Variants in CCNB3 observed in about 807,000 individuals in gnomAD.
CCNB3 encodes cyclin B3.
In CCNB3, 12 loss-of-function variants were observed where a neutral mutation model predicts 68.0. The ratio of observed to expected loss-of-function variants is 0.18; its 90% CI spans 0.11 to 0.29. CCNB3 has a LOEUF of 0.29. Ranked by LOEUF, CCNB3 falls within the 10% of genes least tolerant of loss-of-function variation. The pLI is 1.00. For missense variants in CCNB3, 904 were observed against 993.1 expected, an observed-to-expected ratio of 0.91 and a Z score of 1.21; for synonymous variants, 354 against 388.9, an observed-to-expected ratio of 0.91 and a Z score of 1.06.
intron 1 of CCNB3, among the ~76,000 whole-genome samples, chrX:50,227,634 CATAT>C (rs1450412518): frequency 2.2e-4 from 2 of 9,120 alleles, no homozygotes; most frequent in African/African-American, 7.7e-4. Flanking sequence ...AGAGAGAATA[CATAT>C]ATATAGAGAG....
In CCNB3 at chrX:50,227,289, T is replaced by C. The variant is rs1470207257; in HGVS notation, c.-113+22339T>C. Among the ~76,000 whole-genome samples, 139 of 84,119 alleles carry C rather than the reference T, an allele frequency of 1.7e-3. 1 individual carries two copies. The highest frequency in any genetic ancestry group is 2.4e-3 in the Non-Finnish European group (110 of 46,118). The allele number at this position is 84,119 out of a possible 115,157, so 73.0% of individuals were successfully genotyped here. The stretch of plus-strand genomic sequence containing the variant: ...TATATACAGAATATATATAAATACA[T>C]GTACAGAATATATATAAATATACAT... On this transcript the variant is annotated intron_variant, in intron 1 of 12. Coordinates refer to ENST00000376042, the MANE Select transcript of CCNB3 (RefSeq NM_033031.3).
chrX:50,351,352 T>C lies in CCNB3; in HGVS notation c.4072T>C (p.Tyr1358His). Residue 1358 changes from tyrosine to histidine, a missense_variant, in exon 12 of 13, where the codon TAT (tyrosine) becomes CAT (histidine). By Grantham distance (83) the Tyr-to-His change is moderately conservative. Coordinates refer to ENST00000376042, the MANE Select transcript of CCNB3 (RefSeq NM_033031.3). ...TTCTTACGATAGTCTCAAGGCTGTG[T>C]ATTACAAGTATTCTCACCCGTAAGT... ...FSSYDSLKAV[Y>H]YKYSHPVFFE... 1 of 1,211,187 alleles carries C rather than the reference T, an allele frequency of 8.3e-7. No homozygotes were observed. The highest frequency in any genetic ancestry group is 1.8e-5 in the South Asian group (1 of 56,932).
intron 5 of CCNB3, among the ~76,000 whole-genome samples, chrX:50,303,575 T>A (rs983991215): frequency 2.8e-4 from 31 of 111,220 alleles, no homozygotes; most frequent in Non-Finnish European, 5.5e-4. Context: ...GGCTATTTGG[T>A]ACTTCTTTGG....
intron 8 of CCNB3, among the ~76,000 whole-genome samples, chrX:50,335,431 G>A (rs1296816315): frequency 1.1e-4 from 12 of 112,062 alleles, no homozygotes; most frequent in African/African-American, 3.9e-4. Context: ...GTCCTGTACT[G>A]GCTGGTAGTC....
At chrX:50,281,581 T>G (rs1389396898) in intron 1 of CCNB3, among the ~76,000 whole-genome samples, 1 of 110,869 alleles carries the variant, frequency 9.0e-6, no homozygotes, top group Non-Finnish European at 1.9e-5. Context: ...CTTTTCAATC[T>G]CCTGTCGATC....
chrX:50,224,227 C>A (rs975925579), intron 1 of CCNB3, among the ~76,000 whole-genome samples: 1 of 110,711 alleles, frequency 9.0e-6, no homozygotes, highest in South Asian at 3.9e-4. Context: ...ATTTTAAATT[C>A]AAATCTTGGA....
At chrX:50,281,397 G>C (rs1936133956) in intron 1 of CCNB3, among the ~76,000 whole-genome samples, 1 of 110,135 alleles carries the variant, frequency 9.1e-6, no homozygotes, top group Non-Finnish European at 1.9e-5. Flanking sequence ...CTGGTCTAGG[G>C]GTGCGTCGAT....
chrX:50,228,571 A>G (rs957862097), intron 1 of CCNB3, among the ~76,000 whole-genome samples: 287 of 84,692 alleles, frequency 3.4e-3, no homozygotes, highest in African/African-American at 0.013. Context: ...TACAGATAAT[A>G]TATAGAATAT....
chrX:50,320,669 C>T (rs1469847755), intron 8 of CCNB3, among the ~76,000 whole-genome samples: 1 of 109,537 alleles, frequency 9.1e-6, no homozygotes, highest in Non-Finnish European at 1.9e-5. Context: ...GGTTTAATTT[C>T]TTTATTATCC....
At chrX:50,228,156 T>A (rs1365319711) in intron 1 of CCNB3, among the ~76,000 whole-genome samples, 1 of 91,757 alleles carries the variant, frequency 1.1e-5, no homozygotes, top group East Asian at 3.1e-4. Flanking sequence ...TATAAATATC[T>A]ACATAGAATG....
At chrX:50,340,431 C>T (rs1257035100) in intron 8 of CCNB3, among the ~76,000 whole-genome samples, 1 of 112,403 alleles carries the variant, frequency 8.9e-6, no homozygotes, top group Admixed American at 9.4e-5. Context: ...ATTTTATTCT[C>T]GAATCCTAAG....
intron 10 of CCNB3, among the ~76,000 whole-genome samples, chrX:50,347,258 G>A (rs2147105204): frequency 9.1e-6 from 1 of 110,478 alleles, no homozygotes; most frequent in East Asian, 2.8e-4. Context: ...TAAGAAAAGG[G>A]AAAAGGTTGT....
chrX:50,228,460 A>C (rs897602578), intron 1 of CCNB3, among the ~76,000 whole-genome samples: 1 of 92,284 alleles, frequency 1.1e-5, no homozygotes, highest in Non-Finnish European at 2.1e-5. Context: ...GAATATATAT[A>C]GAGGATATAT....
chrX:50,215,333 T>C (rs1935555675), intron 1 of CCNB3, among the ~76,000 whole-genome samples: 1 of 111,567 alleles, frequency 9.0e-6, no homozygotes, highest in South Asian at 3.8e-4. Flanking sequence ...TTTGATCCCA[T>C]TGTGGTCAGA....
chrX:50,293,421 T>C (rs1417595572), intron 4 of CCNB3, among the ~76,000 whole-genome samples: 1 of 111,264 alleles, frequency 9.0e-6, no homozygotes, highest in Non-Finnish European at 1.9e-5. Flanking sequence ...TGGGGTTTGT[T>C]TGCTCTTGGT....
intron 9 of CCNB3, among the ~76,000 whole-genome samples, chrX:50,345,309 T>A (rs1254546707): frequency 2.8e-5 from 3 of 108,557 alleles, no homozygotes; most frequent in Non-Finnish European, 5.7e-5. Flanking sequence ...CCTCTCTCCC[T>A]CCCTCACCTG....
chrX:50,228,261 T>C (rs1360645401), intron 1 of CCNB3, among the ~76,000 whole-genome samples: 7 of 90,056 alleles, frequency 7.8e-5, no homozygotes, highest in African/African-American at 2.1e-4. Context: ...ATACATAGAA[T>C]ATATATAAAT....
chrX:50,290,892 C>T (rs886600685), intron 4 of CCNB3, among the ~76,000 whole-genome samples: 22 of 111,822 alleles, frequency 2.0e-4, no homozygotes, highest in Admixed American at 1.1e-3. Context: ...AGAGACAGTT[C>T]CATCATTACA....
chrX:50,344,899 C>A (rs1014360392), intron 9 of CCNB3, among the ~76,000 whole-genome samples: 2 of 111,283 alleles, frequency 1.8e-5, no homozygotes, highest in African/African-American at 6.5e-5. Context: ...TTCAGCTAGG[C>A]TAGTTGTAGG....
Sources: gnomAD v4.1 joint callset for allele counts (sites outside exome capture counted in the v4.1 genomes callset) on GRCh38, gnomAD v4.1.1 for gene constraint, MANE v1.5 for transcripts, NCBI Gene and HGNC (gene_info 2026-07-23, HGNC 2026-07-21) for gene names.